DCDC1: variants seen among roughly 807,000 people sequenced by gnomAD.
DCDC1 encodes doublecortin domain containing 1.
Under a neutral mutation model 178.3 loss-of-function variants are expected in DCDC1, and 200 were observed. The ratio of observed to expected loss-of-function variants is 1.12; its 90% CI spans 1.00 to 1.26. DCDC1 has a LOEUF of 1.26. DCDC1 is among the 50% of genes most tolerant of loss of function. DCDC1 has a pLI of 0.00. For synonymous variants in DCDC1, 690 were observed against 604.8 expected (o/e 1.14, Z -2.07); for missense variants, 1,983 against 1,749.2 (o/e 1.13, Z -2.38).
At chr11:31,128,027 CTACATG>C (rs1335257562) in intron 10 of DCDC1, among the ~76,000 whole-genome samples, 1 of 152,004 alleles carries the variant, frequency 6.6e-6, no homozygotes, top group African/African-American at 2.4e-5. Context: ...TTTCATTTCA[CTACATG>C]TATCTTCCTT....
Position 30,881,152 on chromosome 11 carries a change from G to A in DCDC1, c.5233+6C>T, listed in dbSNP as rs927454. On this transcript the variant is annotated splice_donor_region_variant and intron_variant, in intron 37 of 38. Transcript: ENST00000684477. ...GACTTGATGGAAAAGAAACTATCAT[G>A]CATACCTTTTGGGGTTTTGAAACCA... 5 of 1,612,638 alleles carry A rather than the reference G, an allele frequency of 3.1e-6. No homozygotes were observed. The highest frequency in any genetic ancestry group is 1.3e-5 in the African/African-American group (1 of 74,864).
chr11:30,885,547 G>T (rs1305865260), intron 36 of DCDC1, among the ~76,000 whole-genome samples: 4 of 151,898 alleles, frequency 2.6e-5, no homozygotes, highest in Non-Finnish European at 4.4e-5. Context: ...GGAACGCAGA[G>T]ATAACCAATA....
At chr11:31,331,779 C>T (rs1300126419) in intron 2 of DCDC1, among the ~76,000 whole-genome samples, 1 of 152,060 alleles carries the variant, frequency 6.6e-6, no homozygotes, top group East Asian at 1.9e-4. Context: ...ATTCGGTTTG[C>T]CAGTATTTTA....
At chr11:31,101,366 GAA>G (rs35971748) in intron 15 of DCDC1, among the ~76,000 whole-genome samples, 13 of 150,092 alleles carry the variant, frequency 8.7e-5, no homozygotes, top group East Asian at 3.9e-4. Context: ...GAGCTGGAGG[GAA>G]AAAAAAAAAC....
chr11:31,287,737 T>G (rs375645831), intron 7 of DCDC1, among the ~76,000 whole-genome samples: 12 of 151,826 alleles, frequency 7.9e-5, no homozygotes, highest in African/African-American at 2.7e-4. Flanking sequence ...GGGAAGCCAC[T>G]GAAATATGCA....
intron 9 of DCDC1, among the ~76,000 whole-genome samples, chr11:31,158,396 C>T (rs1219766871): frequency 2.6e-5 from 4 of 152,056 alleles, no homozygotes; most frequent in African/African-American, 9.7e-5. Flanking sequence ...GGATTACAGG[C>T]GTGAGCCACC....
At chr11:31,105,531 C>T (rs1291133059) in intron 13 of DCDC1, among the ~76,000 whole-genome samples, 1 of 151,126 alleles carries the variant, frequency 6.6e-6, no homozygotes, top group Non-Finnish European at 1.5e-5. Context: ...ATTCTTGCCA[C>T]TTTAAAATTC....
intron 7 of DCDC1, among the ~76,000 whole-genome samples, chr11:31,276,756 A>G (rs181230956): frequency 2.0e-5 from 3 of 152,254 alleles, no homozygotes; most frequent in Admixed American, 2.0e-4. Context: ...TAAGTGAAAG[A>G]ATGTACACCA....
chr11:31,284,992 A>T (rs999202353), intron 7 of DCDC1, among the ~76,000 whole-genome samples: 2 of 152,144 alleles, frequency 1.3e-5, no homozygotes, highest in African/African-American at 4.8e-5. Flanking sequence ...CTTAACTACC[A>T]TCAGTAAAGT....
intron 8 of DCDC1, among the ~76,000 whole-genome samples, chr11:31,247,502 G>C (rs553261313): frequency 2.6e-5 from 4 of 151,932 alleles, no homozygotes; most frequent in Non-Finnish European, 5.9e-5. Context: ...AAGAGGTACT[G>C]TGTGTGGAAA....
At chr11:31,313,044 T>C (rs1195539828) in intron 3 of DCDC1, among the ~76,000 whole-genome samples, 3 of 151,964 alleles carry the variant, frequency 2.0e-5, no homozygotes, top group Non-Finnish European at 4.4e-5. Context: ...TTTTAAAGTA[T>C]AAATTTAAAA....
chr11:30,980,483 G>T (rs1232393037), intron 20 of DCDC1, among the ~76,000 whole-genome samples: 1 of 152,172 alleles, frequency 6.6e-6, no homozygotes, highest in African/African-American at 2.4e-5. Flanking sequence ...AGGTAGACAA[G>T]AGATAGCTCT....
chr11:31,001,604 A>G (rs1387373698), intron 20 of DCDC1, among the ~76,000 whole-genome samples: 1 of 152,194 alleles, frequency 6.6e-6, no homozygotes, highest in African/African-American at 2.4e-5. Context: ...CTGTTTGACA[A>G]GGCAGCATAT....
At chr11:31,031,212 G>A (rs1304151956) in intron 20 of DCDC1, among the ~76,000 whole-genome samples, 4 of 152,096 alleles carry the variant, frequency 2.6e-5, no homozygotes, top group Admixed American at 2.0e-4. Flanking sequence ...GAACTAACAG[G>A]TTGTCATTTT....
chr11:31,176,066 T>A (rs1017846979), intron 9 of DCDC1, among the ~76,000 whole-genome samples: 1 of 152,134 alleles, frequency 6.6e-6, no homozygotes, highest in Non-Finnish European at 1.5e-5. Flanking sequence ...AAAACGACTT[T>A]TACAGAATGC....
At chr11:31,040,870 C>T (rs187904663) in intron 20 of DCDC1, among the ~76,000 whole-genome samples, 1 of 152,154 alleles carries the variant, frequency 6.6e-6, no homozygotes, top group Non-Finnish European at 1.5e-5. Flanking sequence ...TCAATAGCAT[C>T]AATAAGTTGC....
intron 38 of DCDC1, among the ~76,000 whole-genome samples, chr11:30,871,060 G>A (rs1444362875): frequency 6.6e-6 from 1 of 152,190 alleles, no homozygotes; most frequent in African/African-American, 2.4e-5. Context: ...CTAAAGGAAT[G>A]AGTAGAAGCC....
rs570239727 is a variant in DCDC1, at chr11:31,158,270, G to A, written c.1222-20486C>T. ...ACTACAGGCACCCGCCATCACGCCCGGCTAATTTTTTGCATTTTTTTTTTT... is the reference window on the plus strand; with the variant it reads ...ACTACAGGCACCCGCCATCACGCCCAGCTAATTTTTTGCATTTTTTTTTTT... On this transcript the variant is annotated intron_variant, in intron 9 of 38. Transcript: ENST00000684477. Among the ~76,000 whole-genome samples the A allele has an allele frequency of 1.9e-3, 287 of 151,648 alleles. 1 individual carries two copies. Among genetic ancestry groups the A allele is most frequent in the Non-Finnish European group, 3.4e-3 (231 of 67,892 alleles).
At chr11:31,260,246 G>A (rs192409874) in intron 8 of DCDC1, among the ~76,000 whole-genome samples, 160 of 152,208 alleles carry the variant, frequency 1.1e-3, no homozygotes, top group African/African-American at 3.6e-3. Flanking sequence ...AACTCAAAAA[G>A]GTACAATAAT....
Sources: allele counts gnomAD v4.1 joint callset (sites outside exome capture counted in the v4.1 genomes callset), GRCh38; gene constraint gnomAD v4.1.1; transcripts MANE v1.5; gene names NCBI Gene and HGNC (gene_info 2026-07-23, HGNC 2026-07-21).